ATP2B3: variants seen among roughly 807,000 people sequenced by gnomAD.
ATP2B3 encodes the protein ATPase plasma membrane Ca2+ transporting 3, also known as plasma membrane calcium-transporting ATPase 3.
Under a neutral mutation model 70.8 loss-of-function variants are expected in ATP2B3, and 12 were observed. The observed-to-expected ratio is 0.17, with a 90% confidence interval of 0.11 to 0.27. The LOEUF (loss-of-function observed/expected upper bound fraction) is 0.27. Among genes scored for constraint, ATP2B3 ranks in the 10% least tolerant of loss-of-function variants. ATP2B3 has a pLI of 1.00. For synonymous variants in ATP2B3, 460 were observed against 497.8 expected, an observed-to-expected ratio of 0.92 and a Z score of 1.01; for missense variants, 858 against 1,118.5, an observed-to-expected ratio of 0.77 and a Z score of 3.32.
chrX:153,535,277 G>A (rs956214308), intron 2 of ATP2B3, among the ~76,000 whole-genome samples: 2 of 112,435 alleles, frequency 1.8e-5, no homozygotes, highest in African/African-American at 3.2e-5. Context: ...TTCAGTGTGG[G>A]GAGACTTTGG....
chrX:153,564,199 C>T (rs1323440604), intron 20 of ATP2B3, among the ~76,000 whole-genome samples: 1 of 113,114 alleles, frequency 8.8e-6, no homozygotes, highest in African/African-American at 3.2e-5. Flanking sequence ...AGAGACTAGG[C>T]CAGAGCTCCA....
In ATP2B3 at chrX:153,551,732, G is replaced by T. The variant is rs149032167; in HGVS notation, c.1824-1303G>T. Among the ~76,000 whole-genome samples, 53 of 112,119 alleles carry T rather than the reference G, an allele frequency of 4.7e-4. No individual in the cohort carries two copies. In the East Asian group the frequency reaches 0.013, roughly 28 times the overall value. On this transcript the variant is annotated intron_variant, in intron 12 of 21. Transcript: ENST00000263519. ...CTACTTTAAATGGGTGGACTGTGTG[G>T]TGCGTGAATTATATCCCAATAAAGC...
At chrX:153,531,264 C>T (rs782097310) in intron 2 of ATP2B3, among the ~76,000 whole-genome samples, 85 of 113,297 alleles carry the variant, frequency 7.5e-4, no homozygotes, top group Middle Eastern at 4.6e-3. Context: ...GTGCCCTCTC[C>T]CCACCTGCTC....
rs782792544 is a variant in ATP2B3 at position 153,565,434 on chromosome X, T to C, written c.3342+331T>C. 3.5e-5 allele frequency among the ~76,000 whole-genome samples: 4 copies of C among 112,786 alleles called. No homozygotes were observed. The East Asian group carries it at 8.4e-4, about 24-fold the overall frequency. On this transcript the variant is annotated intron_variant, in intron 21 of 21. Transcript: ENST00000263519. The stretch of plus-strand genomic sequence containing the variant: ...CATCACTGCTGGGGCTCCCTTCACT[T>C]GGTGGGAACGGCCCCAGGTCATAGG...
chrX:153,547,719 C>A, intron 8 of ATP2B3, 116 bp from the exon 9 acceptor site: 1 of 891,378 alleles, frequency 1.1e-6, no homozygotes, highest in South Asian at 3.4e-5. Context: ...AGGAGAGCTC[C>A]ACTGAATCCC....
Position 153,580,459 on chromosome X carries a change from C to A in ATP2B3, c.*161C>A. On this transcript the variant is annotated 3_prime_UTR_variant, in exon 22 of 22. Transcript: ENST00000263519. ...TTCTGGCAGGGCATTTGCAAGGACC[C>A]AAATCCATTCAACAAGGGTGCAGCC... 1 of 497,249 alleles carries A rather than the reference C, an allele frequency of 2.0e-6. No homozygotes were observed. The highest frequency in any genetic ancestry group is 3.3e-6 in the Non-Finnish European group (1 of 307,471). The allele number at this position is 497,249 out of a possible 1,213,427, so 41.0% of individuals were successfully genotyped here.
chrX:153,574,148 G>C (rs1039977612), intron 21 of ATP2B3, among the ~76,000 whole-genome samples: 1 of 112,872 alleles, frequency 8.9e-6, no homozygotes, highest in Admixed American at 9.3e-5. Flanking sequence ...TCTGAGCTTG[G>C]CTTCTCATTG....
In ATP2B3 at chrX:153,580,425, T is replaced by A; in HGVS notation, c.*127T>A. The A allele has an allele frequency of 1.4e-6, 1 of 711,317 alleles. No individual in the cohort carries two copies. The highest frequency in any genetic ancestry group is 2.0e-6 in the Non-Finnish European group (1 of 495,674). The allele number at this position is 711,317 out of a possible 1,213,427, so 58.6% of individuals were successfully genotyped here. On this transcript the variant is annotated 3_prime_UTR_variant, in exon 22 of 22. Transcript: ENST00000263519. ...AAAACGAGGGAACAACTAAGGTGGC[T>A]GAAGACCTTTCTGGCAGGGCATTTG...
chrX:153,548,374 C>A (rs1302750436), intron 9 of ATP2B3, among the ~76,000 whole-genome samples: 1 of 110,964 alleles, frequency 9.0e-6, no homozygotes, highest in African/African-American at 3.3e-5. Context: ...TCCTCCCCAG[C>A]GGTGCTTCTC....
chrX:153,562,542 C>T (rs190214842), intron 20 of ATP2B3, among the ~76,000 whole-genome samples: 3 of 112,232 alleles, frequency 2.7e-5, no homozygotes, highest in African/African-American at 9.7e-5. Flanking sequence ...GGGAAATCCC[C>T]ACATATTTTA....
At chrX:153,563,847 C>T (rs1384151259) in intron 20 of ATP2B3, among the ~76,000 whole-genome samples, 4 of 112,639 alleles carry the variant, frequency 3.6e-5, no homozygotes, top group Admixed American at 9.3e-5. Context: ...AAGAGAAAAA[C>T]GAAAAGAAGG....
In ATP2B3 at chrX:153,541,751, C is replaced by T. The variant is rs1557006528; in HGVS notation, c.489C>T (p.Ser163=). The change falls in exon 5 of 22, where the codon TCC becomes TCT. Residue 163 remains serine, a synonymous_variant. Transcript: ENST00000263519. The stretch of plus-strand genomic sequence containing the variant: ...TCGAGGGGGCTGCCATCCTGCTGTC[C>T]GTCATCTGTGTGGTGCTGGTCACGG... ...GWIEGAAILL[S]VICVVLVTAF... is the part of the protein sequence containing the mutation. 2.5e-6 allele frequency: 3 copies of T among 1,211,579 alleles called. No homozygotes were observed. The highest frequency in any genetic ancestry group is 4.3e-5 in the Admixed American group (2 of 46,051).
At chrX:153,576,848 T>C (rs1557021480) in intron 21 of ATP2B3, among the ~76,000 whole-genome samples, 1 of 112,101 alleles carries the variant, frequency 8.9e-6, no homozygotes, top group East Asian at 2.8e-4. Context: ...TAGAAACGTT[T>C]GTTGCTTTCC....
intron 6 of ATP2B3, 105 bp from the exon 7 acceptor site, chrX:153,542,938 G>A (rs973802049): frequency 1.7e-5 from 18 of 1,049,936 alleles, no homozygotes; most frequent in South Asian, 2.2e-5. Context: ...GGTGGACACC[G>A]CGTCCCTGCT....
intron 21 of ATP2B3, chrX:153,569,859 C>T: frequency 1.0e-6 from 1 of 962,012 alleles, no homozygotes; most frequent in Middle Eastern, 3.4e-4. Context: ...TTCCGCTCAC[C>T]GTGGCTTTTC....
intron 2 of ATP2B3, among the ~76,000 whole-genome samples, chrX:153,528,866 C>T (rs1354800860): frequency 1.8e-5 from 2 of 112,483 alleles, no homozygotes; most frequent in South Asian, 3.7e-4. Flanking sequence ...CCCTTGAATT[C>T]GTCCCTGTCA....
At chrX:153,537,657 G>A (rs2090213409) in intron 3 of ATP2B3, among the ~76,000 whole-genome samples, 1 of 112,263 alleles carries the variant, frequency 8.9e-6, no homozygotes, top group East Asian at 2.8e-4. Flanking sequence ...CGCCCTCACG[G>A]TGCAGCTGCT....
At chrX:153,575,996 C>T (rs2090852355) in intron 21 of ATP2B3, among the ~76,000 whole-genome samples, 1 of 111,922 alleles carries the variant, frequency 8.9e-6, no homozygotes, top group South Asian at 3.7e-4. Flanking sequence ...GATGGGGAGT[C>T]CTCCAGCCCA....
chrX:153,548,662 C>G lies in ATP2B3; in HGVS notation c.1146C>G (p.Thr382=). The part of the protein sequence containing the change: ...GKAGLVMSAI[T]VIILVLYFVI... ...CAGGGCTGGTGATGTCTGCCATCACCGTCATCATCCTGGTCCTCTACTTTG... is the reference window on the plus strand; with the variant it reads ...CAGGGCTGGTGATGTCTGCCATCACGGTCATCATCCTGGTCCTCTACTTTG... Residue 382 remains threonine, a synonymous_variant, in exon 10 of 22, where the codon ACC becomes ACG. Coordinates refer to ENST00000263519, the MANE Select transcript of ATP2B3 (RefSeq NM_001001344.3). 2 of 1,210,765 alleles carry G rather than the reference C, an allele frequency of 1.7e-6. No homozygotes were observed. Among genetic ancestry groups the G allele is most frequent in the Non-Finnish European group, 2.2e-6 (2 of 894,885 alleles).
Sources: gnomAD v4.1 joint callset for allele counts (sites outside exome capture counted in the v4.1 genomes callset) on GRCh38, gnomAD v4.1.1 for gene constraint, MANE v1.5 for transcripts, NCBI Gene and HGNC (gene_info 2026-07-23, HGNC 2026-07-21) for gene names.